The following TMEM135 variants were observed in gnomAD, a reference collection of about 807,000 sequenced individuals.
TMEM135 encodes the protein peroxisomal membrane protein 52.
Under a neutral mutation model 60.3 loss-of-function variants are expected in TMEM135, and 30 were observed. The ratio of observed to expected loss-of-function variants is 0.50; its 90% CI spans 0.37 to 0.68. TMEM135 has a LOEUF of 0.68. Ranked by LOEUF, TMEM135 falls within the 30% of genes least tolerant of loss-of-function variation. The pLI is 0.00. For missense variants in TMEM135, 468 were observed against 548.8 expected (o/e 0.85, Z 1.47); for synonymous variants, 190 against 186.7 (o/e 1.02, Z -0.14).
chr11:87,181,071 T>G (rs1018538678), intron 5 of TMEM135, among the ~76,000 whole-genome samples: 1 of 152,126 alleles, frequency 6.6e-6, no homozygotes, highest in East Asian at 1.9e-4. Context: ...GAGCAAACAC[T>G]TTTGAAGTGA....
At chr11:87,265,524 G>A (rs1386694522) in intron 6 of TMEM135, among the ~76,000 whole-genome samples, 2 of 151,634 alleles carry the variant, frequency 1.3e-5, no homozygotes, top group African/African-American at 2.4e-5. Flanking sequence ...TCTTTTGTTT[G>A]ACTACTATGT....
chr11:87,185,558 C>T (rs1939632040), intron 5 of TMEM135, among the ~76,000 whole-genome samples: 1 of 151,944 alleles, frequency 6.6e-6, no homozygotes, highest in African/African-American at 2.4e-5. Context: ...TTGTGTACTT[C>T]CATGAAGAGA....
intron 5 of TMEM135, among the ~76,000 whole-genome samples, chr11:87,163,446 A>G (rs898256381): frequency 6.7e-6 from 1 of 148,354 alleles, no homozygotes; most frequent in Non-Finnish European, 1.5e-5. Flanking sequence ...ATTGTTGGAC[A>G]TTTGGGTTGG....
chr11:87,299,702 G>A (rs1942410598), intron 7 of TMEM135, among the ~76,000 whole-genome samples: 2 of 152,218 alleles, frequency 1.3e-5, no homozygotes, highest in African/African-American at 4.8e-5. Flanking sequence ...TAGTGGGGAA[G>A]ACAGCATTAA....
chr11:87,064,770 G>T (rs1289703272), intron 1 of TMEM135, among the ~76,000 whole-genome samples: 1 of 152,150 alleles, frequency 6.6e-6, no homozygotes, highest in African/African-American at 2.4e-5. Context: ...TGTAATCCCT[G>T]CTACTTGGGA....
chr11:87,273,822 A>C (rs1180521413), intron 6 of TMEM135, among the ~76,000 whole-genome samples: 3 of 152,200 alleles, frequency 2.0e-5, no homozygotes, highest in Non-Finnish European at 4.4e-5. Context: ...GAGGAAATTG[A>C]GTAACAGGCA....
At chr11:87,245,799 T>C (rs1424225555) in intron 6 of TMEM135, among the ~76,000 whole-genome samples, 4 of 100,398 alleles carry the variant, frequency 4.0e-5, no homozygotes, top group Non-Finnish European at 4.5e-5. Context: ...TCTTGACTCT[T>C]TATCCAATTT....
At chr11:87,047,508 C>T (rs533574284) in intron 1 of TMEM135, among the ~76,000 whole-genome samples, 75 of 150,626 alleles carry the variant, frequency 5.0e-4, no homozygotes, top group African/African-American at 1.1e-3. Flanking sequence ...ACCTGGGAAG[C>T]GCAAGGGGTC....
intron 3 of TMEM135, among the ~76,000 whole-genome samples, chr11:87,072,486 T>G (rs930184700): frequency 6.6e-6 from 1 of 152,092 alleles, no homozygotes; most frequent in African/African-American, 2.4e-5. Context: ...GTTCAAGCAA[T>G]TCTCCTATCT....
intron 6 of TMEM135, among the ~76,000 whole-genome samples, chr11:87,271,386 A>G (rs1174692989): frequency 2.6e-5 from 4 of 152,206 alleles, no homozygotes; most frequent in Non-Finnish European, 5.9e-5. Context: ...TTAGAAAGTC[A>G]CTTGATGTCT....
intron 4 of TMEM135, among the ~76,000 whole-genome samples, chr11:87,106,850 C>T (rs951197823): frequency 3.3e-5 from 5 of 152,074 alleles, no homozygotes; most frequent in Non-Finnish European, 7.4e-5. Context: ...GCAGGCTGTA[C>T]AGGAAGCATA....
At chr11:87,150,602 ACCTT>A (rs1425432298) in intron 4 of TMEM135, among the ~76,000 whole-genome samples, 1 of 152,008 alleles carries the variant, frequency 6.6e-6, no homozygotes, top group African/African-American at 2.4e-5. Context: ...TTTTCTTGCT[ACCTT>A]ATGTTTTTTT....
chr11:87,224,807 C>G (rs978085624), intron 5 of TMEM135, among the ~76,000 whole-genome samples: 1 of 148,232 alleles, frequency 6.7e-6, no homozygotes, highest in African/African-American at 2.5e-5. Context: ...TGTTTGGCAG[C>G]ATTAGGATAA....
rs1942826263 is a variant in TMEM135, at chr11:87,321,792, G to C, written c.*459G>C. 2.2e-6 allele frequency: 1 copy of C among 454,342 alleles called. No homozygotes were observed. Among genetic ancestry groups the C allele is most frequent in the African/African-American group, 2.0e-5 (1 of 49,972 alleles). 28.1% of individuals were successfully genotyped at this position (454,342 alleles called of 1,614,324 possible). ...ATATATTTTTTTAAAGTTTTGAATT[G>C]GTATCTGTAGTAGTGGAATGTTATA... On this transcript the variant is annotated 3_prime_UTR_variant, in exon 15 of 15. Transcript: ENST00000305494.
At chr11:87,063,332 C>A (rs1949967471) in intron 1 of TMEM135, among the ~76,000 whole-genome samples, 1 of 152,038 alleles carries the variant, frequency 6.6e-6, no homozygotes, top group Non-Finnish European at 1.5e-5. Flanking sequence ...TTAGCTAAAT[C>A]TTTATATGCA....
chr11:87,125,392 C>G (rs79464134), intron 4 of TMEM135, among the ~76,000 whole-genome samples: 2,932 of 152,164 alleles, frequency 0.019, 75 homozygotes, highest in East Asian at 0.07. Flanking sequence ...TCTGGAAAGG[C>G]CTCTCTGGAG....
At chr11:87,042,279 T>C (rs896645594) in intron 1 of TMEM135, among the ~76,000 whole-genome samples, 1 of 152,234 alleles carries the variant, frequency 6.6e-6, no homozygotes, top group Admixed American at 6.5e-5. Context: ...AAATTCTTCT[T>C]GGCCTCTCTG....
intron 6 of TMEM135, among the ~76,000 whole-genome samples, chr11:87,250,847 G>T (rs1167845385): frequency 1.3e-5 from 2 of 152,196 alleles, no homozygotes; most frequent in African/African-American, 2.4e-5. Flanking sequence ...GGGATTACTT[G>T]CAGCAATGCA....
intron 6 of TMEM135, among the ~76,000 whole-genome samples, chr11:87,252,997 C>G (rs1247622344): frequency 2.6e-5 from 4 of 151,730 alleles, no homozygotes; most frequent in African/African-American, 9.7e-5. Context: ...TTACTTTCCT[C>G]AAAACAAATG....
Sources: gnomAD v4.1 joint callset for allele counts (sites outside exome capture counted in the v4.1 genomes callset) on GRCh38, gnomAD v4.1.1 for gene constraint, MANE v1.5 for transcripts, NCBI Gene and HGNC (gene_info 2026-07-23, HGNC 2026-07-21) for gene names.